The following DCTD variants were observed in gnomAD, a reference collection of about 807,000 sequenced individuals.
DCTD encodes dCMP deaminase.
DCTD carries 23 observed loss-of-function variants against 21.0 expected under a neutral mutation model. That is an observed-to-expected ratio of 1.09 (90% confidence interval 0.79 to 1.55). The LOEUF is 1.55. Among genes scored for constraint, DCTD ranks in the 40% most tolerant of loss-of-function variants. The pLI, the probability that DCTD is intolerant of heterozygous loss-of-function variation, is 0.00. For synonymous variants in DCTD, 71 were observed against 81.1 expected (o/e 0.88, Z 0.67); for missense variants, 224 against 230.0 (o/e 0.97, Z 0.17).
chr4:182,894,438 G>A (rs1015242553), intron 4 of DCTD, 51 bp downstream of exon 4: 7 of 1,077,444 alleles, frequency 6.5e-6, no homozygotes, highest in Non-Finnish European at 8.7e-6. Context: ...ATGAGCTACT[G>A]ACGAGCAGGC....
At chr4:182,903,200 C>A (rs1189072243) in intron 3 of DCTD, among the ~76,000 whole-genome samples, 2 of 152,134 alleles carry the variant, frequency 1.3e-5, no homozygotes, top group Non-Finnish European at 2.9e-5. Flanking sequence ...CAGAACAGGA[C>A]CTGTTTCCTA....
At chr4:182,907,133 T>C (rs759328996) in intron 3 of DCTD, among the ~76,000 whole-genome samples, 1 of 152,182 alleles carries the variant, frequency 6.6e-6, no homozygotes, top group East Asian at 1.9e-4. Flanking sequence ...AGACATAGGA[T>C]CTTTTTCTTA....
At chr4:182,894,877 C>A (rs1484860760) in intron 3 of DCTD, among the ~76,000 whole-genome samples, 1 of 152,252 alleles carries the variant, frequency 6.6e-6, no homozygotes, top group African/African-American at 2.4e-5. Flanking sequence ...CGCTTCACGG[C>A]TCCACAAGAC....
chr4:182,895,728 C>A (rs1287618071), intron 3 of DCTD, among the ~76,000 whole-genome samples: 1 of 152,184 alleles, frequency 6.6e-6, no homozygotes, highest in Non-Finnish European at 1.5e-5. Flanking sequence ...ATCTAAAACT[C>A]TATTATAAAT....
Position 182,892,133 on chromosome 4 carries a change from T to A in DCTD, c.459-656A>T, listed in dbSNP as rs75774491. Among the ~76,000 whole-genome samples the A allele has an allele frequency of 5.8e-4, 88 of 152,256 alleles. 1 individual carries two copies. The Middle Eastern group carries it at 0.027, about 47-fold the overall frequency. ...AGGCACCACGGTTGAGTTCATGAGA[T>A]ACACTGAGCTGTATCCCTAATGACC... On this transcript the variant is annotated intron_variant, in intron 5 of 5. Coordinates refer to ENST00000438320, the MANE Select transcript of DCTD (RefSeq NM_001921.3).
At chr4:182,907,644 T>G (rs1736964052) in intron 3 of DCTD, among the ~76,000 whole-genome samples, 1 of 152,194 alleles carries the variant, frequency 6.6e-6, no homozygotes, top group Non-Finnish European at 1.5e-5. Flanking sequence ...TTTATCCATA[T>G]GTACACATGC....
At chr4:182,903,152 C>T (rs1384197743) in intron 3 of DCTD, among the ~76,000 whole-genome samples, 1 of 152,102 alleles carries the variant, frequency 6.6e-6, no homozygotes, top group Non-Finnish European at 1.5e-5. Flanking sequence ...GTGTGAACTC[C>T]AAAGAACTCT....
chr4:182,903,303 C>A (rs893855868), intron 3 of DCTD, among the ~76,000 whole-genome samples: 4 of 152,292 alleles, frequency 2.6e-5, no homozygotes, highest in Admixed American at 2.6e-4. Context: ...CACCCGACAG[C>A]CTACCTGTCC....
chr4:182,915,722 GC>G, intron 1 of DCTD, 147 bp from the exon 2 acceptor site: 1 of 738,586 alleles, frequency 1.4e-6, no homozygotes, highest in Non-Finnish European at 2.2e-6. Flanking sequence ...CAGCACATGG[GC>G]CCTAAACAGT....
At chr4:182,896,842 G>A (rs1226888545) in intron 3 of DCTD, among the ~76,000 whole-genome samples, 2 of 152,194 alleles carry the variant, frequency 1.3e-5, no homozygotes, top group African/African-American at 4.8e-5. Flanking sequence ...AACATAATGG[G>A]TGTTAAATAT....
chr4:182,916,894 G>A, intron 1 of DCTD: 2 of 1,009,488 alleles, frequency 2.0e-6, no homozygotes, highest in Non-Finnish European at 2.4e-6. Context: ...CGAATACAAC[G>A]ATTCAGGAAG....
Position 182,891,425 on chromosome 4 carries a change from T to C in DCTD, c.511A>G (p.Ser171Gly), listed in dbSNP as rs1241495288. ...CACTGAAGCTTTTGACTCGGTCTGC[T>C]GTTAATTGAATCAAAGTCAATGACA... ...KIVIDFDSIN[S>G]RPSQKLQ Residue 171 changes from serine (S) to glycine (G), a missense_variant, in exon 6 of 6, where the codon AGC (serine) becomes GGC (glycine). By Grantham distance (56) the Ser-to-Gly change is moderately conservative (BLOSUM62 0). Transcript: ENST00000438320. 1 of 1,612,254 alleles carries C rather than the reference T, an allele frequency of 6.2e-7. No homozygotes were observed. Among genetic ancestry groups the C allele is most frequent in the African/African-American group, 1.3e-5 (1 of 75,032 alleles).
chr4:182,893,113 T>C lies in DCTD; in HGVS notation c.376A>G (p.Ile126Val). Reference protein sequence around the residue: ...LIIQAGIKEVIFMSDKYHDSD... With the variant: ...LIIQAGIKEVVFMSDKYHDSD... ...TCATGGTATTTATCAGACATGAAAA[T>C]CACTTCTTTTATACCTGTAAGGTAA... Residue 126 changes from isoleucine (I) to valine (V), a missense_variant, in exon 5 of 6, where the codon ATT (isoleucine) becomes GTT (valine). Transcript: ENST00000438320. The C allele has an allele frequency of 6.2e-7, 1 of 1,605,402 alleles. No individual in the cohort carries two copies. The highest frequency in any genetic ancestry group is 8.5e-7 in the Non-Finnish European group (1 of 1,173,748).
intron 5 of DCTD, 136 bp from the exon 6 acceptor site, chr4:182,891,613 C>A: frequency 1.6e-6 from 1 of 639,912 alleles, no homozygotes; most frequent in South Asian, 1.8e-5. Flanking sequence ...CTATAGGAGC[C>A]AATTATAGTG....
chr4:182,894,343 C>T (rs947469918), intron 4 of DCTD, 146 bp downstream of exon 4: 4 of 588,464 alleles, frequency 6.8e-6, no homozygotes, highest in Non-Finnish European at 1.2e-5. Flanking sequence ...CATTCAAAAA[C>T]AAAACACGGG....
intron 3 of DCTD, among the ~76,000 whole-genome samples, chr4:182,908,036 T>TAAA (rs35563105): frequency 7.0e-6 from 1 of 143,438 alleles, no homozygotes; most frequent in Non-Finnish European, 1.5e-5. Context: ...CTATCCAGAT[T>TAAA]AAAAAAAAAA....
intron 3 of DCTD, among the ~76,000 whole-genome samples, chr4:182,906,788 T>C (rs562173824): frequency 1.6e-4 from 24 of 152,348 alleles, no homozygotes; most frequent in Non-Finnish European, 3.2e-4. Flanking sequence ...GTTATCATAT[T>C]CAATATTTTA....
chr4:182,895,751 G>T (rs1187055120), intron 3 of DCTD, among the ~76,000 whole-genome samples: 1 of 152,208 alleles, frequency 6.6e-6, no homozygotes, highest in African/African-American at 2.4e-5. Context: ...TAACAGCCGT[G>T]ACTTGCAAAC....
intron 3 of DCTD, among the ~76,000 whole-genome samples, chr4:182,909,279 T>C (rs1025433923): frequency 4.6e-5 from 7 of 152,212 alleles, no homozygotes; most frequent in African/African-American, 1.2e-4. Flanking sequence ...CTGGTTGATT[T>C]TAGTGGGTGG....
Sources: gnomAD v4.1 joint callset for allele counts (sites outside exome capture counted in the v4.1 genomes callset) on GRCh38, gnomAD v4.1.1 for gene constraint, MANE v1.5 for transcripts, NCBI Gene and HGNC (gene_info 2026-07-23, HGNC 2026-07-21) for gene names.